ATRNL1: variants seen among roughly 807,000 people sequenced by gnomAD.
ATRNL1 encodes the protein attractin like 1, also known as attractin-like protein 1.
ATRNL1 carries 95 observed loss-of-function variants against 182.7 expected under a neutral mutation model. That is an observed-to-expected ratio of 0.52 (90% confidence interval 0.44 to 0.62). ATRNL1 has a LOEUF of 0.62. ATRNL1 is among the 20% of genes least tolerant of loss of function. The pLI, the probability that ATRNL1 is intolerant of heterozygous loss-of-function variation, is 0.00. For synonymous variants in ATRNL1, 576 were observed against 568.3 expected (o/e 1.01, Z -0.19); for missense variants, 1,471 against 1,679.5 (o/e 0.88, Z 2.17).
chr10:115,519,952 G>A (rs544133090), intron 25 of ATRNL1, among the ~76,000 whole-genome samples: 81 of 152,278 alleles, frequency 5.3e-4, no homozygotes, highest in Non-Finnish European at 6.5e-4. Context: ...TAAATGTAGA[G>A]ACTCTGGGTT....
At chr10:115,097,249 C>G (rs573361956) in intron 1 of ATRNL1, among the ~76,000 whole-genome samples, 17 of 152,148 alleles carry the variant, frequency 1.1e-4, no homozygotes, top group Non-Finnish European at 2.1e-4. Context: ...TTTGGGAGGC[C>G]GAGGTGGAAG....
chr10:115,673,373 G>T (rs1297769111), intron 26 of ATRNL1, among the ~76,000 whole-genome samples: 1 of 152,036 alleles, frequency 6.6e-6, no homozygotes, highest in Non-Finnish European at 1.5e-5. Flanking sequence ...CTGGCCCCAT[G>T]AGCATCTTGC....
At chr10:115,295,076 G>A (rs1853111114) in intron 15 of ATRNL1, among the ~76,000 whole-genome samples, 1 of 152,152 alleles carries the variant, frequency 6.6e-6, no homozygotes, top group African/African-American at 2.4e-5. Context: ...GGGCTTGCCT[G>A]TCAGGAACAA....
chr10:115,235,635 T>C (rs913341568), intron 9 of ATRNL1, among the ~76,000 whole-genome samples: 1 of 152,186 alleles, frequency 6.6e-6, no homozygotes, highest in African/African-American at 2.4e-5. Flanking sequence ...AATCTATTTG[T>C]CAATTAATAG....
intron 28 of ATRNL1, among the ~76,000 whole-genome samples, chr10:115,873,901 T>A (rs1274674822): frequency 6.6e-6 from 1 of 152,202 alleles, no homozygotes; most frequent in Non-Finnish European, 1.5e-5. Context: ...AATAATTGCA[T>A]CGATCAGTTA....
intron 28 of ATRNL1, among the ~76,000 whole-genome samples, chr10:115,917,541 T>C (rs958941246): frequency 6.6e-6 from 1 of 151,384 alleles, no homozygotes; most frequent in Non-Finnish European, 1.5e-5. Flanking sequence ...GTGGACTACA[T>C]TAGACAAAGC....
rs1159723326 is a variant in ATRNL1, at chr10:115,948,969, A to G, written c.*4190A>G. 2 of 152,206 alleles carry G rather than the reference A, an allele frequency of 1.3e-5. No individual in the cohort carries two copies. Among genetic ancestry groups the G allele is most frequent in the African/African-American group, 4.8e-5 (2 of 41,458 alleles). 9.4% of individuals were successfully genotyped at this position (152,206 alleles called of 1,614,324 possible). A position where few individuals can be genotyped will look rare whatever the true frequency, so the allele number is the denominator to read the frequency against. On this transcript the variant is annotated 3_prime_UTR_variant, in exon 29 of 29. Coordinates refer to ENST00000355044, the MANE Select transcript of ATRNL1 (RefSeq NM_207303.4). ...GTTAATCAGGACTTTATTAAATAAA[A>G]ACATTGGCTCTTCCAACCCCCACTG...
intron 18 of ATRNL1, among the ~76,000 whole-genome samples, chr10:115,328,214 C>T (rs888782064): frequency 3.3e-5 from 5 of 151,872 alleles, no homozygotes; most frequent in Non-Finnish European, 7.4e-5. Flanking sequence ...ATTGGTAATA[C>T]AGAAAAATCT....
chr10:115,701,143 C>T (rs1315018062), intron 26 of ATRNL1, among the ~76,000 whole-genome samples: 1 of 151,830 alleles, frequency 6.6e-6, no homozygotes, highest in African/African-American at 2.4e-5. Flanking sequence ...GAAATCAATA[C>T]CAATAAGATC....
chr10:115,447,870 A>G (rs1005269381), intron 21 of ATRNL1, among the ~76,000 whole-genome samples: 2 of 152,044 alleles, frequency 1.3e-5, no homozygotes, highest in Admixed American at 6.6e-5. Context: ...ATGGTATACA[A>G]TAATTTTCTT....
chr10:115,911,154 G>A (rs1244310587), intron 28 of ATRNL1, among the ~76,000 whole-genome samples: 2 of 151,482 alleles, frequency 1.3e-5, no homozygotes, highest in Non-Finnish European at 1.5e-5. Flanking sequence ...AGGCACCACC[G>A]TGCTCAGCTA....
chr10:115,929,271 C>T (rs1953326351), intron 28 of ATRNL1, among the ~76,000 whole-genome samples: 1 of 152,050 alleles, frequency 6.6e-6, no homozygotes, highest in African/African-American at 2.4e-5. Flanking sequence ...AAACACTTCT[C>T]ATTTTTAACA....
At chr10:115,136,669 TATC>T (rs1373747776) in intron 5 of ATRNL1, among the ~76,000 whole-genome samples, 1 of 152,238 alleles carries the variant, frequency 6.6e-6, no homozygotes, top group Non-Finnish European at 1.5e-5. Context: ...TTTTCCCAAA[TATC>T]ATATGGTTGT....
At chr10:115,495,303 G>A (rs1554977851) in intron 24 of ATRNL1, among the ~76,000 whole-genome samples, 2 of 151,930 alleles carry the variant, frequency 1.3e-5, no homozygotes, top group African/African-American at 4.8e-5. Flanking sequence ...GTATGATTTT[G>A]TGTCTCACTA....
intron 20 of ATRNL1, among the ~76,000 whole-genome samples, chr10:115,419,817 T>G (rs1181632946): frequency 1.1e-4 from 16 of 152,048 alleles, no homozygotes; most frequent in African/African-American, 3.9e-4. Context: ...AACACAATAA[T>G]AGTAGGGGAC....
At chr10:115,609,198 T>C (rs1380393153) in intron 26 of ATRNL1, among the ~76,000 whole-genome samples, 2 of 152,312 alleles carry the variant, frequency 1.3e-5, no homozygotes, top group East Asian at 3.9e-4. Flanking sequence ...GTCTTCACTC[T>C]GTCAAAATTA....
intron 27 of ATRNL1, among the ~76,000 whole-genome samples, chr10:115,754,969 TTGTC>T (rs779806469): frequency 1.3e-5 from 2 of 152,140 alleles, no homozygotes; most frequent in African/African-American, 4.8e-5. Context: ...GGCTCTCTGT[TTGTC>T]TGTTATTGGT....
intron 25 of ATRNL1, among the ~76,000 whole-genome samples, chr10:115,526,914 C>G (rs1465029707): frequency 6.6e-6 from 1 of 151,986 alleles, no homozygotes; most frequent in African/African-American, 2.4e-5. Flanking sequence ...AGTGGTGTAG[C>G]CTTGAGCAAA....
At chr10:115,114,187 A>G (rs1412439422) in intron 1 of ATRNL1, among the ~76,000 whole-genome samples, 2 of 152,168 alleles carry the variant, frequency 1.3e-5, no homozygotes, top group South Asian at 2.1e-4. Context: ...ATTCTAAAAA[A>G]CTAGGTATCC....
Sources: allele counts gnomAD v4.1 joint callset (sites outside exome capture counted in the v4.1 genomes callset), GRCh38; gene constraint gnomAD v4.1.1; transcripts MANE v1.5; gene names NCBI Gene and HGNC (gene_info 2026-07-23, HGNC 2026-07-21).